Variants in MEIS3 observed in about 807,000 individuals in gnomAD.
The protein encoded by MEIS3 is Meis homeobox 3, also known as homeobox protein Meis3.
A neutral mutation model predicts 51.4 loss-of-function variants in MEIS3; 38 were observed. The ratio of observed to expected loss-of-function variants is 0.74; its 90% CI spans 0.57 to 0.97. The LOEUF (loss-of-function observed/expected upper bound fraction) is 0.97. Ranked by LOEUF, MEIS3 falls within the 50% of genes least tolerant of loss-of-function variation. The probability of loss-of-function intolerance (pLI) is 0.00; values close to 1 mark genes in which losing one functional copy is unlikely to be tolerated. For synonymous variants in MEIS3, 198 were observed against 201.8 expected (o/e 0.98, Z 0.16); for missense variants, 456 against 502.6 (o/e 0.91, Z 0.89).
chr19:47,417,233 G>A lies in MEIS3; in HGVS notation c.130C>T (p.Leu44=), dbSNP rs1435826422. The change falls in exon 2 of 13, where the codon CTG becomes TTG. Residue 44 remains leucine, a synonymous_variant. Coordinates refer to ENST00000558555, the MANE Select transcript of MEIS3 (RefSeq NM_001301059.2). ...CCGTCGCTGTCCAAGCCTGGGGGCA[G>A]GGGCTGGGGAGGCCGGTGCGGGCCA... ...PYGPHRPPQP[L]PPGLDSDGLK... is the part of the protein sequence containing the mutation. 6.9e-6 allele frequency: 11 copies of A among 1,595,444 alleles called. No homozygotes were observed. The highest frequency in any genetic ancestry group is 9.4e-6 in the Non-Finnish European group (11 of 1,172,132).
At chr19:47,417,155 G>T in intron 2 of MEIS3, 23 bp downstream of exon 2, 1 of 1,533,386 alleles carries the variant, frequency 6.5e-7, no homozygotes, top group Non-Finnish European at 8.7e-7. Context: ...AGAGACAGGA[G>T]CCTGAGACCC....
At chr19:47,416,312 T>A (rs1403218209) in intron 4 of MEIS3, 4 of 268,252 alleles carry the variant, frequency 1.5e-5, no homozygotes. Flanking sequence ...TTCCACGCAC[T>A]TGAATCGCAT....
upstream of MEIS3, among the ~76,000 whole-genome samples, chr19:47,422,204 A>G (rs1409438404): frequency 6.6e-6 from 1 of 151,386 alleles, no homozygotes; most frequent in Non-Finnish European, 1.5e-5. Flanking sequence ...GCCACGGCTC[A>G]GCGGTGGCGG....
chr19:47,403,235 C>T lies in MEIS3; in HGVS notation c.*336G>A, dbSNP rs977034791. ...AAAATGTCGGATCCGGGCGACCCTC[C>T]TTCCCTGACTGCCCAGCCACCCCGT... On this transcript the variant is annotated 3_prime_UTR_variant, in exon 13 of 13. Coordinates refer to ENST00000558555, the MANE Select transcript of MEIS3 (RefSeq NM_001301059.2). The T allele has an allele frequency of 2.4e-5, 8 of 329,476 alleles. No individual in the cohort carries two copies. In the Admixed American group the frequency reaches 3.4e-4, roughly 14 times the overall value. 20.4% of individuals were successfully genotyped at this position (329,476 alleles called of 1,614,324 possible).
At chr19:47,411,059 C>G (rs113970905) in intron 6 of MEIS3, among the ~76,000 whole-genome samples, 1 of 152,048 alleles carries the variant, frequency 6.6e-6, no homozygotes, top group Non-Finnish European at 1.5e-5. Context: ...GCCTCAGTCT[C>G]CCGAGTAGCT....
chr19:47,407,518 AGCCCAG>A, intron 8 of MEIS3, 90 bp from the exon 9 acceptor site: 1 of 1,606,666 alleles, frequency 6.2e-7, no homozygotes. Flanking sequence ...GGGGATGGGG[AGCCCAG>A]GCCCAGGCAG....
In MEIS3 at chr19:47,409,120, G is replaced by A. The variant is rs759724380; in HGVS notation, c.837C>T (p.Ala279=). Residue 279 remains alanine (A), a synonymous_variant, in exon 8 of 13, where the codon GCC becomes GCT. Coordinates refer to ENST00000558555, the MANE Select transcript of MEIS3 (RefSeq NM_001301059.2). The part of the protein sequence containing the change: ...FPKVATNIMR[A]WLFQHLSHPY... ...TCACCGAGAGGTGCTGGAACAACCA[G>A]GCTCGCATGATGTTGGTGGCCACCT... 2.5e-6 allele frequency: 4 copies of A among 1,611,010 alleles called. No individual in the cohort carries two copies. The highest frequency in any genetic ancestry group is 1.1e-5 in the South Asian group (1 of 90,990).
chr19:47,407,196 G>T (rs1420877086), intron 9 of MEIS3, 59 bp from the exon 10 acceptor site: 8 of 1,562,132 alleles, frequency 5.1e-6, no homozygotes, highest in Non-Finnish European at 6.9e-6. Flanking sequence ...GAGAGGCCAA[G>T]ACGAACACAG....
chr19:47,416,576 C>T, intron 4 of MEIS3, 76 bp downstream of exon 4: 2 of 1,264,274 alleles, frequency 1.6e-6, no homozygotes, highest in Non-Finnish European at 2.2e-6. Context: ...GCACCCCCCC[C>T]ACCAACCCCA....
intron 1 of MEIS3, chr19:47,417,995 T>C (rs942895547): frequency 4.5e-6 from 2 of 443,736 alleles, no homozygotes; most frequent in African/African-American, 4.0e-5. Flanking sequence ...ATTGAGACAT[T>C]TGGCACATGG....
chr19:47,420,771 G>T (rs1169033084), upstream of MEIS3, among the ~76,000 whole-genome samples: 2 of 151,316 alleles, frequency 1.3e-5, no homozygotes, highest in African/African-American at 2.4e-5. Context: ...TTGATTGGGG[G>T]AGGATGGAGG....
chr19:47,421,838 GTC>G (rs1012960579), upstream of MEIS3, among the ~76,000 whole-genome samples: 2 of 149,058 alleles, frequency 1.3e-5, no homozygotes, highest in African/African-American at 5.0e-5. Flanking sequence ...ATCTTTCTCG[GTC>G]TCTCTCTCCA....
chr19:47,406,376 A>G, intron 12 of MEIS3, 84 bp downstream of exon 12: 2 of 1,150,496 alleles, frequency 1.7e-6, no homozygotes, highest in South Asian at 1.3e-5. Flanking sequence ...CTGACCCACT[A>G]CTCTGGAAGT....
chr19:47,410,653 C>A (rs1971089075), intron 6 of MEIS3, among the ~76,000 whole-genome samples: 1 of 151,856 alleles, frequency 6.6e-6, no homozygotes, highest in East Asian at 1.9e-4. Flanking sequence ...GTAGTCCCAG[C>A]TACTCGGGAG....
intron 6 of MEIS3, among the ~76,000 whole-genome samples, chr19:47,410,649 C>T (rs1037636321): frequency 2.0e-5 from 3 of 151,640 alleles, no homozygotes; most frequent in Non-Finnish European, 2.9e-5. Flanking sequence ...GCCTGTAGTC[C>T]CAGCTACTCG....
chr19:47,414,229 G>A (rs997404894), intron 6 of MEIS3, among the ~76,000 whole-genome samples: 1 of 152,106 alleles, frequency 6.6e-6, no homozygotes, highest in African/African-American at 2.4e-5. Flanking sequence ...TTATATCTGA[G>A]TTTGCCGGGC....
At chr19:47,413,781 G>C (rs1317690104) in intron 6 of MEIS3, among the ~76,000 whole-genome samples, 2 of 150,564 alleles carry the variant, frequency 1.3e-5, no homozygotes, top group South Asian at 4.2e-4. Flanking sequence ...AGGCTGGAGT[G>C]CAGTGGTGCG....
chr19:47,407,511 G>C lies in MEIS3; in HGVS notation c.859-83C>G, dbSNP rs575866300. ...AGGTCTGGCCCACCGGGGTCCGGGG[G>C]ATGGGGAGCCCAGGCCCAGGCAGAC... On this transcript the variant is annotated intron_variant, in intron 8 of 12. Transcript: ENST00000558555. 1.5e-5 allele frequency: 24 copies of C among 1,609,402 alleles called. 1 individual carries two copies. The South Asian group carries it at 2.5e-4, about 17-fold the overall frequency.
At chr19:47,408,841 C>A (rs2122492791) in intron 8 of MEIS3, among the ~76,000 whole-genome samples, 1 of 152,160 alleles carries the variant, frequency 6.6e-6, no homozygotes. Flanking sequence ...GGATGGTGGG[C>A]AGGTGGATGA....
Sources: gnomAD v4.1 joint callset for allele counts (sites outside exome capture counted in the v4.1 genomes callset) on GRCh38, gnomAD v4.1.1 for gene constraint, MANE v1.5 for transcripts, NCBI Gene and HGNC (gene_info 2026-07-23, HGNC 2026-07-21) for gene names.